The following DNAAF11 variants were observed in gnomAD, a reference collection of about 807,000 sequenced individuals.
The protein encoded by DNAAF11 is leucine rich repeat containing 6.
In DNAAF11, 45 loss-of-function variants were observed where a neutral mutation model predicts 60.8. The observed-to-expected ratio is 0.74, with a 90% CI of 0.58 to 0.95. The LOEUF (loss-of-function observed/expected upper bound fraction) is 0.95. Among genes scored for constraint, DNAAF11 ranks in the 40% least tolerant of loss-of-function variants. The pLI, the probability that DNAAF11 is intolerant of heterozygous loss-of-function variation, is 0.00. For missense variants in DNAAF11, 546 were observed against 546.2 expected (o/e 1.00, Z 0.00); for synonymous variants, 191 against 183.5 (o/e 1.04, Z -0.33).
intron 3 of DNAAF11, among the ~76,000 whole-genome samples, chr8:132,644,849 T>C (rs1822213709): frequency 6.6e-6 from 1 of 152,146 alleles, no homozygotes; most frequent in African/African-American, 2.4e-5. Context: ...TCGAACTGGG[T>C]GGAGCCCACC....
At chr8:132,633,298 C>G (rs1163364690) in intron 4 of DNAAF11, among the ~76,000 whole-genome samples, 1 of 152,022 alleles carries the variant, frequency 6.6e-6, no homozygotes, top group African/African-American at 2.4e-5. Flanking sequence ...CAAAGTACAA[C>G]AATGGCACTT....
intron 10 of DNAAF11, among the ~76,000 whole-genome samples, chr8:132,599,638 G>A (rs1448467974): frequency 6.6e-6 from 1 of 152,136 alleles, no homozygotes; most frequent in Non-Finnish European, 1.5e-5. Context: ...ATCAATAAAT[G>A]TAATCCAGCA....
At chr8:132,595,836 T>C (rs565182047) in intron 10 of DNAAF11, among the ~76,000 whole-genome samples, 26 of 152,308 alleles carry the variant, frequency 1.7e-4, no homozygotes, top group African/African-American at 6.0e-4. Flanking sequence ...GGGGAAAGAA[T>C]AGAGCAGGGC....
rs183125872 is a variant in DNAAF11, at chr8:132,658,361, T to C, written c.179-1454A>G. On this transcript the variant is annotated intron_variant, in intron 2 of 11. Transcript: ENST00000620350. ...TTTAAGAGACAGAGTCTCACTCTGTTGCCCAGGCTGGAGTGCAGTGGCCCA... is the reference window on the plus strand; with the variant it reads ...TTTAAGAGACAGAGTCTCACTCTGTCGCCCAGGCTGGAGTGCAGTGGCCCA... Among the ~76,000 whole-genome samples the C allele has an allele frequency of 3.7e-3, 564 of 152,282 alleles. 2 individuals are homozygous for C. Among genetic ancestry groups the C allele is most frequent in the African/African-American group, 0.013 (521 of 41,568 alleles).
intron 9 of DNAAF11, 59 bp from the exon 10 acceptor site, chr8:132,610,320 C>T: frequency 9.5e-7 from 1 of 1,051,250 alleles, no homozygotes; most frequent in Non-Finnish European, 1.5e-6. Flanking sequence ...GAGAGGGTTA[C>T]TAAAAGGGGC....
intron 6 of DNAAF11, 47 bp downstream of exon 6, chr8:132,625,225 G>C: frequency 7.2e-7 from 1 of 1,393,158 alleles, no homozygotes; most frequent in Non-Finnish European, 9.8e-7. Flanking sequence ...TAAAAATATA[G>C]TTGATAAGTG....
chr8:132,677,431 A>T (rs1002761790), upstream of DNAAF11, among the ~76,000 whole-genome samples: 1 of 151,808 alleles, frequency 6.6e-6, no homozygotes, highest in Non-Finnish European at 1.5e-5. Flanking sequence ...CTTAATAAAA[A>T]TTAAAAAAAA....
chr8:132,630,818 T>A (rs1044801332), intron 5 of DNAAF11, among the ~76,000 whole-genome samples: 2 of 152,162 alleles, frequency 1.3e-5, no homozygotes, highest in African/African-American at 4.8e-5. Flanking sequence ...TTAATTTTTT[T>A]AAAAATAGAG....
At chr8:132,579,807 C>A (rs1289264338) in intron 11 of DNAAF11, among the ~76,000 whole-genome samples, 1 of 151,936 alleles carries the variant, frequency 6.6e-6, no homozygotes, top group African/African-American at 2.4e-5. Flanking sequence ...CCAGCCTGGC[C>A]GACATGGCAA....
rs190882617 is a variant in DNAAF11 at position 132,670,770 on chromosome 8, G to A, written c.10+4714C>T. Among the ~76,000 whole-genome samples the A allele has an allele frequency of 4.9e-3, 750 of 152,208 alleles. 3 individuals are homozygous for A. Among genetic ancestry groups the A allele is most frequent in the Non-Finnish European group, 6.7e-3 (458 of 68,002 alleles). ...TAAAAAAATTATACATTATAACCAA[G>A]GGGGGAGTTATCCAATGTATACGAG... On this transcript the variant is annotated intron_variant, in intron 1 of 11. Coordinates refer to ENST00000620350, the MANE Select transcript of DNAAF11 (RefSeq NM_012472.6).
At chr8:132,687,248 G>C in the DNAAF11 span, among the ~76,000 whole-genome samples, 1 of 152,130 alleles carries the variant, frequency 6.6e-6, no homozygotes. Flanking sequence ...TTTCCATTTA[G>C]TGCCTGCTTA....
intron 5 of DNAAF11, among the ~76,000 whole-genome samples, chr8:132,628,980 T>A (rs895252770): frequency 2.6e-5 from 4 of 152,246 alleles, no homozygotes; most frequent in Non-Finnish European, 5.9e-5. Context: ...AACTCACTTA[T>A]GAACACAGGT....
At chr8:132,667,415 T>C (rs555943615) in intron 1 of DNAAF11, among the ~76,000 whole-genome samples, 1 of 152,268 alleles carries the variant, frequency 6.6e-6, no homozygotes, top group African/African-American at 2.4e-5. Flanking sequence ...CTTCTATAAA[T>C]AAGTAAAGAA....
chr8:132,680,842 G>C, the DNAAF11 span, among the ~76,000 whole-genome samples: 1 of 151,192 alleles, frequency 6.6e-6, no homozygotes, highest in African/African-American at 2.4e-5. Flanking sequence ...CAGGCACCTT[G>C]AGGACTAATT....
At chr8:132,601,738 C>T (rs1817642933) in intron 10 of DNAAF11, among the ~76,000 whole-genome samples, 1 of 151,872 alleles carries the variant, frequency 6.6e-6, no homozygotes, top group South Asian at 2.1e-4. Context: ...CACTTGGACA[C>T]AGGAAGGGGA....
chr8:132,691,583 G>T, the DNAAF11 span, among the ~76,000 whole-genome samples: 1 of 152,182 alleles, frequency 6.6e-6, no homozygotes, highest in Non-Finnish European at 1.5e-5. Flanking sequence ...GCATGGCTGG[G>T]GAGGCCTCAG....
At chr8:132,585,035 C>G (rs1815743228) in intron 10 of DNAAF11, among the ~76,000 whole-genome samples, 1 of 152,128 alleles carries the variant, frequency 6.6e-6, no homozygotes, top group Non-Finnish European at 1.5e-5. Flanking sequence ...TAATTTGTTT[C>G]TTATTTAATT....
intron 3 of DNAAF11, among the ~76,000 whole-genome samples, chr8:132,655,836 T>TA (rs1368534695): frequency 6.6e-6 from 1 of 152,190 alleles, no homozygotes; most frequent in Non-Finnish European, 1.5e-5. Context: ...CTTCCTATCT[T>TA]AAAAAATATT....
At chr8:132,586,133 GGA>G (rs2131033219) in intron 10 of DNAAF11, among the ~76,000 whole-genome samples, 1 of 152,320 alleles carries the variant, frequency 6.6e-6, no homozygotes, top group African/African-American at 2.4e-5. Flanking sequence ...ATTTAGAGAA[GGA>G]GAGAGAGAAC....
Sources: allele counts gnomAD v4.1 joint callset (sites outside exome capture counted in the v4.1 genomes callset), GRCh38; gene constraint gnomAD v4.1.1; transcripts MANE v1.5; gene names NCBI Gene and HGNC (gene_info 2026-07-23, HGNC 2026-07-21).